The following TBC1D30 variants were observed in gnomAD, a reference collection of about 807,000 sequenced individuals.
The protein encoded by TBC1D30 is TBC1 domain family member 30, also known as TBC1 domain family, member 30.
TBC1D30 carries 31 observed loss-of-function variants against 63.2 expected under a neutral mutation model. The observed-to-expected ratio is 0.49, with a 90% confidence interval of 0.37 to 0.66. The LOEUF (loss-of-function observed/expected upper bound fraction) is 0.66. Among genes scored for constraint, TBC1D30 ranks in the 30% least tolerant of loss-of-function variants. The pLI is 0.00. For missense variants in TBC1D30, 810 were observed against 953.6 expected (o/e 0.85, Z 1.98); for synonymous variants, 307 against 361.5 (o/e 0.85, Z 1.71).
chr12:64,838,875 C>G (rs1875600275), intron 7 of TBC1D30, 24 bp downstream of exon 7: 4 of 1,534,830 alleles, frequency 2.6e-6, no homozygotes, highest in Admixed American at 2.0e-5. Flanking sequence ...ACCTTCTGCT[C>G]TGTTCTGTGA....
rs60440376 is a variant in TBC1D30 at position 64,840,004 on chromosome 12, C to CAAAAAAAAAAAAAAA, written c.932+1163_932+1177dup. 2.2e-3 allele frequency among the ~76,000 whole-genome samples: 216 copies of CAAAAAAAAAAAAAAA among 98,280 alleles called. 7 individuals carry two copies. The highest frequency in any genetic ancestry group is 9.0e-3 in the African/African-American group (173 of 19,308). The allele number at this position is 98,280 out of a possible 152,430, so 64.5% of individuals were successfully genotyped here. A position where few individuals can be genotyped will look rare whatever the true frequency, so the allele number is the denominator to read the frequency against. On this transcript the variant is annotated intron_variant, in intron 7 of 11. Coordinates refer to ENST00000539867, the MANE Select transcript of TBC1D30 (RefSeq NM_015279.2). ...TGGACGACAGAGCAAGACTCTGTCT[C>CAAAAAAAAAAAAAAA]AAAAAAAAAAAAAAAAAAAAAAAAT...
At chr12:64,843,090 CTT>C (rs1192610230) in intron 7 of TBC1D30, among the ~76,000 whole-genome samples, 2 of 152,210 alleles carry the variant, frequency 1.3e-5, no homozygotes, top group African/African-American at 2.4e-5. Context: ...TTACTGCAGA[CTT>C]AGCCTCCCAG....
Position 64,775,269 on chromosome 12 carries a change from G to A in TBC1D30, c.-375-10612G>A, listed in dbSNP as rs371799201. ...CAACATCATGATGACAGGATCAAATGTATACATATCAATAATAACCTTAAA... is the reference window on the plus strand; with the variant it reads ...CAACATCATGATGACAGGATCAAATATATACATATCAATAATAACCTTAAA... On this transcript the variant is annotated intron_variant, in intron 1 of 13. Coordinates refer to the TBC1D30 transcript ENST00000674237. Among the ~76,000 whole-genome samples, 17 of 152,102 alleles carry A rather than the reference G, an allele frequency of 1.1e-4. No individual in the cohort carries two copies. The South Asian group carries it at 3.5e-3, about 32-fold the overall frequency.
chr12:64,866,466 T>A (rs970426525), intron 9 of TBC1D30, among the ~76,000 whole-genome samples: 4 of 151,978 alleles, frequency 2.6e-5, no homozygotes, highest in Non-Finnish European at 4.4e-5. Flanking sequence ...GACGGAGTCT[T>A]GCTCTGTCGT....
At chr12:64,855,512 AT>A (rs1367321109) in intron 8 of TBC1D30, among the ~76,000 whole-genome samples, 1 of 152,020 alleles carries the variant, frequency 6.6e-6, no homozygotes, top group African/African-American at 2.4e-5. Flanking sequence ...ATACTTCATT[AT>A]TTTTTATTCT....
At chr12:64,827,384 G>T (rs1874450990) in intron 1 of TBC1D30, among the ~76,000 whole-genome samples, 1 of 152,210 alleles carries the variant, frequency 6.6e-6, no homozygotes, top group South Asian at 2.1e-4. Context: ...AGGAATCCAA[G>T]GCTGCATTGT....
At chr12:64,793,299 T>C (rs1460924621) in intron 2 of TBC1D30, among the ~76,000 whole-genome samples, 2 of 151,314 alleles carry the variant, frequency 1.3e-5, no homozygotes, top group African/African-American at 4.9e-5. Context: ...GCTGAGATTG[T>C]GCCACTACCC....
At chr12:64,844,217 A>G (rs113319808) in intron 8 of TBC1D30, among the ~76,000 whole-genome samples, 4,278 of 152,276 alleles carry the variant, frequency 0.028, 192 homozygotes, top group African/African-American at 0.098. Context: ...GTAATTATAT[A>G]TTAATCATAA....
chr12:64,791,049 GATGA>G lies in TBC1D30; in HGVS notation c.643+5008_643+5011del, dbSNP rs1871888708. On this transcript the variant is annotated intron_variant, in intron 2 of 12. Coordinates refer to the TBC1D30 transcript ENST00000542120. ...GAAACAATTCAAATGTCTATCAATG[GATGA>G]ATGGATATATCAAATGTGATTATTA... 2.0e-5 allele frequency among the ~76,000 whole-genome samples: 3 copies of G among 152,272 alleles called. No homozygotes were observed. In the South Asian group the frequency reaches 6.2e-4, roughly 32 times the overall value.
chr12:64,809,920 G>A (rs1873107967), intron 2 of TBC1D30, among the ~76,000 whole-genome samples: 1 of 151,826 alleles, frequency 6.6e-6, no homozygotes, highest in South Asian at 2.1e-4. Context: ...TGGGATCCTT[G>A]GTAGAATGTG....
At chr12:64,829,506 G>A (rs1030326804) in intron 3 of TBC1D30, among the ~76,000 whole-genome samples, 3 of 152,152 alleles carry the variant, frequency 2.0e-5, no homozygotes, top group African/African-American at 7.2e-5. Context: ...GTGTGTGTCT[G>A]TACGTGTAGG....
At chr12:64,778,749 C>G (rs183918718), upstream of TBC1D30, among the ~76,000 whole-genome samples, 5 of 151,872 alleles carry the variant, frequency 3.3e-5, no homozygotes, top group Non-Finnish European at 7.4e-5. Context: ...TGGTCTCGAT[C>G]TCTTGACTTC....
At chr12:64,764,779 T>A (rs1479793220) in intron 1 of TBC1D30, among the ~76,000 whole-genome samples, 1 of 152,236 alleles carries the variant, frequency 6.6e-6, no homozygotes, top group African/African-American at 2.4e-5. Context: ...AAAAGCTCCA[T>A]AAGTTTGTAC....
At chr12:64,852,586 G>A (rs1178456385) in intron 8 of TBC1D30, among the ~76,000 whole-genome samples, 2 of 151,974 alleles carry the variant, frequency 1.3e-5, no homozygotes, top group African/African-American at 4.8e-5. Flanking sequence ...TGGTATTTTC[G>A]GTCTTTTTGC....
chr12:64,840,384 A>T (rs1430850335), intron 7 of TBC1D30, among the ~76,000 whole-genome samples: 2 of 152,206 alleles, frequency 1.3e-5, no homozygotes, highest in Non-Finnish European at 2.9e-5. Flanking sequence ...TTGGTTCTTC[A>T]TGAAGGAGCA....
chr12:64,824,925 T>A lies in TBC1D30; in HGVS notation c.46T>A (p.Cys16Ser). 6.5e-7 allele frequency: 1 copy of A among 1,534,398 alleles called. No individual in the cohort carries two copies. Among genetic ancestry groups the A allele is most frequent in the South Asian group, 1.2e-5 (1 of 83,936 alleles). ...CGGGTCTCTGAGGCGCGGGGGGAGA[T>A]GCCTGAAGCGGCAGGGCGGCGGCGT... Reference protein sequence around the residue: ...LTGSLRRGGRCLKRQGGGVGT... With the variant: ...LTGSLRRGGRSLKRQGGGVGT... Residue 16 changes from cysteine (C) to serine (S), a missense_variant, in exon 1 of 12, where the codon TGC (cysteine) becomes AGC (serine). Physicochemically the swap from Cys to Ser is moderately radical, Grantham distance 112. Around this residue, in one of 4 missense-constraint regions of TBC1D30, gnomAD observed 272 missense variants for 335.9 expected, o/e 0.81. Transcript: ENST00000539867.
chr12:64,792,608 T>C (rs1037714845), intron 2 of TBC1D30, among the ~76,000 whole-genome samples: 1 of 152,176 alleles, frequency 6.6e-6, no homozygotes, highest in Admixed American at 6.5e-5. Context: ...CTTGCTGTGT[T>C]GCCCAGGCCG....
chr12:64,870,703 A>G lies in TBC1D30; in HGVS notation c.1393A>G (p.Met465Val), dbSNP rs1878587437. 2.6e-6 allele frequency: 4 copies of G among 1,536,044 alleles called. No homozygotes were observed. The African/African-American group carries it at 5.5e-5, about 21-fold the overall frequency. Residue 465 changes from methionine to valine, a missense_variant, in exon 11 of 12, where the codon ATG becomes GTG. Physicochemically the swap from Met to Val is conservative, Grantham distance 21. Coordinates refer to ENST00000539867, the MANE Select transcript of TBC1D30 (RefSeq NM_015279.2). ...RSEYHAAFNS[M>V]MMERMTTDIN... ...TGAATACCATGCAGCTTTTAACAGTATGATGATGGAACGCATGACCACAGA... is the reference window on the plus strand; with the variant it reads ...TGAATACCATGCAGCTTTTAACAGTGTGATGATGGAACGCATGACCACAGA...
At chr12:64,806,131 A>G (rs1205389638) in intron 2 of TBC1D30, among the ~76,000 whole-genome samples, 2 of 152,368 alleles carry the variant, frequency 1.3e-5, no homozygotes, top group African/African-American at 4.8e-5. Context: ...GTACTGTTCA[A>G]TTTCAGCATC....
Sources: allele counts gnomAD v4.1 joint callset (sites outside exome capture counted in the v4.1 genomes callset), GRCh38; gene constraint gnomAD v4.1.1; regional missense constraint gnomAD v4.1.1; transcripts MANE v1.5; gene names NCBI Gene and HGNC (gene_info 2026-07-23, HGNC 2026-07-21).